The following ABTB3 variants were observed in gnomAD, a reference collection of about 807,000 sequenced individuals.
ABTB3 encodes the protein ankyrin repeat and BTB domain containing 3, also known as ankyrin repeat- and BTB/POZ domain-containing protein 3.
the ABTB3 span, among the ~76,000 whole-genome samples, chr12:107,505,751 A>G: frequency 6.6e-6 from 1 of 152,008 alleles, no homozygotes. Flanking sequence ...TGTTCTCATC[A>G]CTTAGCTCCC....
At chr12:107,459,710 C>A in the ABTB3 span, among the ~76,000 whole-genome samples, 3 of 152,246 alleles carry the variant, frequency 2.0e-5, no homozygotes, top group Admixed American at 2.0e-4. Context: ...GCTCCTCAGC[C>A]ATTTATTAAG....
the ABTB3 span, among the ~76,000 whole-genome samples, chr12:107,565,070 T>C: frequency 7.2e-5 from 11 of 152,148 alleles, no homozygotes; most frequent in Non-Finnish European, 1.5e-4. Flanking sequence ...ATCCCAGAGA[T>C]GAGCAAAGAG....
the ABTB3 span, among the ~76,000 whole-genome samples, chr12:107,350,280 A>G: frequency 3.9e-5 from 6 of 152,134 alleles, no homozygotes. Flanking sequence ...GGCTGGGCGC[A>G]GTGGCTCACA....
At chr12:107,575,627 C>T in the ABTB3 span, among the ~76,000 whole-genome samples, 4 of 152,192 alleles carry the variant, frequency 2.6e-5, no homozygotes, top group African/African-American at 9.6e-5. Flanking sequence ...TCTTTTCCAG[C>T]TTCTAGAGAC....
the ABTB3 span, among the ~76,000 whole-genome samples, chr12:107,526,542 C>T: frequency 6.6e-6 from 1 of 152,126 alleles, no homozygotes; most frequent in African/African-American, 2.4e-5. Context: ...CTTGTCTTGG[C>T]TCTTCTGCCT....
chr12:107,552,003 C>T, the ABTB3 span, among the ~76,000 whole-genome samples: 1 of 152,206 alleles, frequency 6.6e-6, no homozygotes, highest in Admixed American at 6.5e-5. Context: ...CCGCCTTCCT[C>T]GTTCTCCCAA....
chr12:107,547,785 G>A, the ABTB3 span, among the ~76,000 whole-genome samples: 7 of 152,256 alleles, frequency 4.6e-5, no homozygotes, highest in African/African-American at 9.6e-5. Flanking sequence ...TTTGTCCTTC[G>A]TAAGGTGAGA....
the ABTB3 span, among the ~76,000 whole-genome samples, chr12:107,334,842 T>G: frequency 6.6e-6 from 1 of 152,086 alleles, no homozygotes; most frequent in Non-Finnish European, 1.5e-5. Flanking sequence ...ACTGGGAATG[T>G]CCTAGAAGTT....
the ABTB3 span, among the ~76,000 whole-genome samples, chr12:107,456,347 T>G: frequency 4.6e-5 from 7 of 152,298 alleles, no homozygotes; most frequent in Middle Eastern, 3.4e-3. Flanking sequence ...CGAAGCTTCA[T>G]CTGTATTTAT....
the ABTB3 span, among the ~76,000 whole-genome samples, chr12:107,428,269 A>G: frequency 6.6e-6 from 1 of 152,178 alleles, no homozygotes; most frequent in African/African-American, 2.4e-5. Context: ...CATGGTCAGC[A>G]TCCAGGATCA....
chr12:107,635,349 C>G, the ABTB3 span: 8 of 1,613,932 alleles, frequency 5.0e-6, no homozygotes, highest in Non-Finnish European at 4.2e-6. Context: ...TACCCCATCC[C>G]CAAGCTCACA....
the ABTB3 span, among the ~76,000 whole-genome samples, chr12:107,630,833 C>T: frequency 2.0e-5 from 3 of 152,056 alleles, no homozygotes; most frequent in Non-Finnish European, 4.4e-5. Context: ...CTCACTTTTC[C>T]CTATGATTAA....
the ABTB3 span, among the ~76,000 whole-genome samples, chr12:107,551,755 CT>C: frequency 0.16 from 23,688 of 145,858 alleles, 2,125 homozygotes; most frequent in East Asian, 0.25. Flanking sequence ...TTATAATCTT[CT>C]TTTTTTTTTT....
chr12:107,439,843 T>C, the ABTB3 span, among the ~76,000 whole-genome samples: 3 of 152,212 alleles, frequency 2.0e-5, no homozygotes, highest in Non-Finnish European at 4.4e-5. Context: ...ATTGTTTCTA[T>C]TGGGTTTTGT....
the ABTB3 span, among the ~76,000 whole-genome samples, chr12:107,419,905 C>T: frequency 1.3e-5 from 2 of 152,172 alleles, no homozygotes; most frequent in African/African-American, 4.8e-5. Context: ...ATGCCAGACA[C>T]AGCACTGTGA....
At chr12:107,601,244 G>T in the ABTB3 span, among the ~76,000 whole-genome samples, 1 of 152,076 alleles carries the variant, frequency 6.6e-6, no homozygotes, top group African/African-American at 2.4e-5. Flanking sequence ...ACTGGGATGT[G>T]AATTTTGGTC....
At chr12:107,409,066 A>G in the ABTB3 span, among the ~76,000 whole-genome samples, 1 of 152,182 alleles carries the variant, frequency 6.6e-6, no homozygotes, top group Non-Finnish European at 1.5e-5. Flanking sequence ...AGAGTCAGCT[A>G]AGCTATATTT....
chr12:107,629,113 T>A, the ABTB3 span, among the ~76,000 whole-genome samples: 1 of 152,176 alleles, frequency 6.6e-6, no homozygotes, highest in Non-Finnish European at 1.5e-5. Context: ...TCCTGGTAAC[T>A]ATGCTATTAA....
chr12:107,657,515 G>C, the ABTB3 span: 550 of 1,614,002 alleles, frequency 3.4e-4, no homozygotes, highest in Non-Finnish European at 4.1e-4. Context: ...ACAGTTTCTT[G>C]GAGTCACAGA....
Sources: allele counts gnomAD v4.1 joint callset (sites outside exome capture counted in the v4.1 genomes callset), GRCh38; gene constraint gnomAD v4.1.1; transcripts MANE v1.5; gene names NCBI Gene and HGNC (gene_info 2026-07-23, HGNC 2026-07-21).